TTC39B: variants seen among roughly 807,000 people sequenced by gnomAD.
TTC39B encodes tetratricopeptide repeat domain 39B.
TTC39B carries 92 observed loss-of-function variants against 96.6 expected under a neutral mutation model. The observed-to-expected ratio is 0.95, with a 90% confidence interval of 0.80 to 1.13. The LOEUF (loss-of-function observed/expected upper bound fraction) is 1.13. TTC39B is among the 50% of genes most tolerant of loss of function. TTC39B has a pLI of 0.00. For missense variants in TTC39B, 955 were observed against 809.3 expected, an observed-to-expected ratio of 1.18 and a Z score of -2.18; for synonymous variants, 367 against 299.4, an observed-to-expected ratio of 1.23 and a Z score of -2.33.
intron 3 of TTC39B, among the ~76,000 whole-genome samples, chr9:15,221,650 C>A (rs1198553441): frequency 6.6e-6 from 1 of 152,150 alleles, no homozygotes; most frequent in African/African-American, 2.4e-5. Context: ...AGAGTTCTGA[C>A]CCAGAGCCAC....
intron 17 of TTC39B, among the ~76,000 whole-genome samples, chr9:15,180,561 CA>C (rs1362622996): frequency 4.6e-5 from 7 of 152,232 alleles, no homozygotes; most frequent in African/African-American, 1.7e-4. Context: ...GACACACTTG[CA>C]AAGCTAGGAG....
In TTC39B at chr9:15,190,658, A is replaced by T; in HGVS notation, c.1001T>A (p.Leu334Ter). The T allele has an allele frequency of 6.2e-7, 1 of 1,612,868 alleles. No individual in the cohort carries two copies. Among genetic ancestry groups the T allele is most frequent in the Non-Finnish European group, 8.5e-7 (1 of 1,178,922 alleles). ...ACCTTCACGTAACTGCAGGAGGCCC[A>T]ACTCCTATGGGAATTAAATGCATTT... Residue 334 changes from leucine to a stop codon, truncating the protein, a stop_gained, in exon 11 of 20, where the codon TTG becomes TAG. Transcript: ENST00000512701. LOFTEE classifies it high-confidence loss of function.
At chr9:15,169,979 A>G (rs1339782257) in exon 20 of TTC39B, 1 of 152,186 alleles carries the variant, frequency 6.6e-6, no homozygotes, top group East Asian at 1.9e-4. Flanking sequence ...TCACAATGTG[A>G]GTGTGCGCTT....
chr9:15,187,069 C>A, intron 14 of TTC39B, 34 bp from the exon 15 acceptor site: 1 of 1,506,576 alleles, frequency 6.6e-7, no homozygotes, highest in Non-Finnish European at 9.1e-7. Context: ...TACAGAACAT[C>A]CCTAGGTAAA....
intron 1 of TTC39B, among the ~76,000 whole-genome samples, chr9:15,292,570 T>A (rs1824228246): frequency 6.6e-6 from 1 of 152,152 alleles, no homozygotes; most frequent in South Asian, 2.1e-4. Context: ...CTCAGGCAGG[T>A]CCTTCAGGAG....
rs775301224 is a variant in TTC39B, at chr9:15,267,898, T to C, written c.275+16A>G. The C allele has an allele frequency of 1.9e-6, 3 of 1,600,660 alleles. No individual in the cohort carries two copies. Among genetic ancestry groups the C allele is most frequent in the African/African-American group, 1.3e-5 (1 of 74,536 alleles). On this transcript the variant is annotated intron_variant, in intron 2 of 19. Transcript: ENST00000512701. ...ATTTTTCCTTACTACATACTTTTTA[T>C]TATGTTATTACTTACATTGAGATGG...
At chr9:15,223,476 T>G (rs1011655191) in intron 3 of TTC39B, among the ~76,000 whole-genome samples, 12 of 152,192 alleles carry the variant, frequency 7.9e-5, no homozygotes, top group African/African-American at 2.9e-4. Context: ...CTCACAACTT[T>G]GTGTTAAGAA....
chr9:15,169,679 G>C (rs953006199), exon 20 of TTC39B: 3 of 152,126 alleles, frequency 2.0e-5, no homozygotes, highest in African/African-American at 7.2e-5. Context: ...GTAGCATTTT[G>C]ATATTACAGT....
At chr9:15,239,734 T>A (rs1821954344) in intron 2 of TTC39B, among the ~76,000 whole-genome samples, 1 of 152,062 alleles carries the variant, frequency 6.6e-6, no homozygotes, top group Non-Finnish European at 1.5e-5. Flanking sequence ...AAGATGGAAA[T>A]AACAGACACT....
At chr9:15,240,031 A>C (rs1821968431) in intron 2 of TTC39B, among the ~76,000 whole-genome samples, 2 of 152,332 alleles carry the variant, frequency 1.3e-5, no homozygotes, top group African/African-American at 2.4e-5. Context: ...ACTAAAAAAA[A>C]CTGCTTCCCA....
chr9:15,225,062 G>T (rs1821048283), intron 3 of TTC39B, among the ~76,000 whole-genome samples: 1 of 152,208 alleles, frequency 6.6e-6, no homozygotes, highest in East Asian at 1.9e-4. Flanking sequence ...AGCTTTAACA[G>T]AGCTGCCTTA....
intron 1 of TTC39B, among the ~76,000 whole-genome samples, chr9:15,280,213 A>G (rs1481298534): frequency 6.6e-6 from 1 of 152,116 alleles, no homozygotes; most frequent in African/African-American, 2.4e-5. Context: ...ATAAAGTGCT[A>G]TTGAAACACA....
intron 1 of TTC39B, among the ~76,000 whole-genome samples, chr9:15,292,668 A>T (rs1824232335): frequency 6.6e-6 from 1 of 152,146 alleles, no homozygotes; most frequent in Non-Finnish European, 1.5e-5. Flanking sequence ...GGTGATCCTT[A>T]CCCTATGTAG....
intron 1 of TTC39B, among the ~76,000 whole-genome samples, chr9:15,296,607 G>A (rs939856513): frequency 1.3e-5 from 2 of 152,134 alleles, no homozygotes; most frequent in African/African-American, 4.8e-5. Flanking sequence ...CAATTCTCCT[G>A]CCTCAGCCTC....
intron 19 of TTC39B, among the ~76,000 whole-genome samples, chr9:15,174,544 T>C (rs1817826253): frequency 6.6e-6 from 1 of 152,158 alleles, no homozygotes. Context: ...GATCAATGGC[T>C]CTTCAAGGAA....
chr9:15,298,524 G>A (rs535020189), intron 1 of TTC39B, among the ~76,000 whole-genome samples: 67 of 152,310 alleles, frequency 4.4e-4, no homozygotes, highest in Non-Finnish European at 8.4e-4. Context: ...AAGAGAGTGT[G>A]TGCGGGGAAA....
intron 2 of TTC39B, among the ~76,000 whole-genome samples, chr9:15,262,028 T>TG (rs914629445): frequency 2.0e-5 from 3 of 152,198 alleles, no homozygotes; most frequent in Non-Finnish European, 4.4e-5. Flanking sequence ...CCTTAAGAGG[T>TG]CACCTCCTTA....
chr9:15,249,717 G>T, intron 2 of TTC39B: 1 of 236,040 alleles, frequency 4.2e-6, no homozygotes, highest in South Asian at 6.9e-5. Flanking sequence ...GTTGGGGGGA[G>T]GGTCAGAGGG....
chr9:15,270,702 T>C (rs1489799106), intron 1 of TTC39B, among the ~76,000 whole-genome samples: 1 of 151,356 alleles, frequency 6.6e-6, no homozygotes, highest in Admixed American at 6.6e-5. Context: ...ATGGCTTGAG[T>C]TCAGCATGGA....
Sources: allele counts gnomAD v4.1 joint callset (sites outside exome capture counted in the v4.1 genomes callset), GRCh38; gene constraint gnomAD v4.1.1; transcripts MANE v1.5; gene names NCBI Gene and HGNC (gene_info 2026-07-23, HGNC 2026-07-21).